Variants in ITPRID1 observed in about 807,000 individuals in gnomAD.
The protein encoded by ITPRID1 is protein ITPRID1.
A neutral mutation model predicts 95.4 loss-of-function variants in ITPRID1; 96 were observed. The ratio of observed to expected loss-of-function variants is 1.01; its 90% CI spans 0.85 to 1.19. ITPRID1 has a LOEUF of 1.19. Ranked by LOEUF, ITPRID1 falls within the 50% of genes most tolerant of loss-of-function variation. ITPRID1 has a pLI of 0.00. For missense variants in ITPRID1, 1,339 were observed against 1,252.9 expected, an observed-to-expected ratio of 1.07 and a Z score of -1.04; for synonymous variants, 510 against 453.6, an observed-to-expected ratio of 1.12 and a Z score of -1.58.
intron 10 of ITPRID1, among the ~76,000 whole-genome samples, chr7:31,631,255 G>T (rs189766998): frequency 3.3e-5 from 5 of 152,110 alleles, no homozygotes; most frequent in Non-Finnish European, 7.4e-5. Flanking sequence ...AAATCTGGGG[G>T]CAAAAGGCAT....
chr7:31,619,620 G>C (rs1046659490), intron 10 of ITPRID1, among the ~76,000 whole-genome samples: 1 of 152,086 alleles, frequency 6.6e-6, no homozygotes, highest in African/African-American at 2.4e-5. Flanking sequence ...TAAAGAAGGG[G>C]GAGGAGCCAA....
At position 31,599,667 on chromosome 7, in the gene ITPRID1, TC is replaced by T. The variant is rs761470949; in HGVS notation, c.1228+16477del. 6.5e-3 allele frequency among the ~76,000 whole-genome samples: 814 copies of T among 124,702 alleles called. 42 individuals are homozygous for T. The highest frequency in any genetic ancestry group is 0.011 in the Non-Finnish European group (586 of 55,236). The allele number at this position is 124,702 out of a possible 152,430, so 81.8% of individuals were successfully genotyped here. A position where few individuals can be genotyped will look rare whatever the true frequency, so the allele number is the denominator to read the frequency against. The stretch of plus-strand genomic sequence containing the variant: ...TTTCTTTTTCTTTCTTTCCTTTCTC[TC>T]TCTCTCTCTCTCTCTCTCTCTCTCT... On this transcript the variant is annotated intron_variant, in intron 10 of 14. Coordinates refer to ENST00000615280, the MANE Select transcript of ITPRID1 (RefSeq NM_001257967.3).
chr7:31,538,110 A>G (rs1393551300), intron 1 of ITPRID1, among the ~76,000 whole-genome samples: 1 of 152,186 alleles, frequency 6.6e-6, no homozygotes, highest in African/African-American at 2.4e-5. Context: ...ATTTATGACT[A>G]TTTCCTTTGA....
rs117596471 is a variant in ITPRID1 at position 31,526,450 on chromosome 7, G to A, written c.-98+12330G>A. ...AATGGTTTAACATCTGTGAAGCTCC[G>A]TTTCCTCATCTCTAAGATGGGTTAA... On this transcript the variant is annotated intron_variant, in intron 1 of 14. Transcript: ENST00000615280. Among the ~76,000 whole-genome samples the A allele has an allele frequency of 4.8e-4, 73 of 152,250 alleles. 1 individual carries two copies. Among genetic ancestry groups the A allele is most frequent in the Non-Finnish European group, 7.6e-4 (52 of 67,992 alleles).
At chr7:31,523,060 T>C (rs754267779) in intron 1 of ITPRID1, among the ~76,000 whole-genome samples, 4 of 152,216 alleles carry the variant, frequency 2.6e-5, no homozygotes, top group African/African-American at 9.7e-5. Context: ...ATGTAAGTTT[T>C]AAATGAGATG....
At chr7:31,599,657 TTCCTTTCTCTCTCTC>T in intron 10 of ITPRID1, among the ~76,000 whole-genome samples, 1 of 11,050 alleles carries the variant, frequency 9.0e-5, no homozygotes, top group South Asian at 5.0e-3. Flanking sequence ...TTTTCTTTCT[TTCCTTTCTCTCTCTC>T]TCTCTCTCTC....
intron 10 of ITPRID1, among the ~76,000 whole-genome samples, chr7:31,623,438 G>A (rs1583622340): frequency 6.6e-6 from 1 of 151,646 alleles, no homozygotes; most frequent in East Asian, 1.9e-4. Context: ...TGGGATGCAA[G>A]GCTGGTTCAA....
chr7:31,575,886 T>TA (rs979559807), intron 8 of ITPRID1, among the ~76,000 whole-genome samples: 3 of 1,858 alleles, frequency 1.6e-3, no homozygotes, highest in Admixed American at 0.017. Context: ...AGGAATGATA[T>TA]TTTTTTTTTA....
intron 5 of ITPRID1, among the ~76,000 whole-genome samples, chr7:31,563,342 T>A (rs1784687749): frequency 6.6e-6 from 1 of 152,126 alleles, no homozygotes; most frequent in Non-Finnish European, 1.5e-5. Context: ...TAGAAATGTT[T>A]CTGTTAGATA....
chr7:31,543,679 T>G (rs550893375), intron 1 of ITPRID1, among the ~76,000 whole-genome samples: 2 of 152,226 alleles, frequency 1.3e-5, no homozygotes, highest in South Asian at 4.1e-4. Context: ...TATCAGACAA[T>G]TTTTTTCCAA....
rs10252720 is a variant in ITPRID1, at chr7:31,578,394, A to G, written c.1130A>G (p.His377Arg). Residue 377 changes from histidine to arginine, a missense_variant, in exon 9 of 15, where the codon CAT becomes CGT. Transcript: ENST00000615280. ...ACTAACAAGCTCAAGAGCTTGTCTC[A>G]TCTTGCAGGCAAAGGACCAGACTCA... ...FQTNKLKSLSHLAGKGPDSFE... is the reference protein window; with the variant it reads ...FQTNKLKSLSRLAGKGPDSFE... 0.98 allele frequency: 1,579,155 copies of G among 1,612,822 alleles called. 773,380 individuals are homozygous for G. The highest frequency in any genetic ancestry group is 0.99 in the East Asian group (44,178 of 44,840).
In ITPRID1 at chr7:31,652,613, T is replaced by C; in HGVS notation, c.2919T>C (p.Ser973=). 2 of 1,613,562 alleles carry C rather than the reference T, an allele frequency of 1.2e-6. No homozygotes were observed. Among genetic ancestry groups the C allele is most frequent in the Non-Finnish European group, 8.5e-7 (1 of 1,179,732 alleles). The change falls in exon 15 of 15, where the codon TCT becomes TCC. Residue 973 remains serine, a synonymous_variant. Coordinates refer to ENST00000615280, the MANE Select transcript of ITPRID1 (RefSeq NM_001257967.3). ...IEESNGQTSC[S]KIHPGMAPRT... ...AAAGCAATGGGCAGACTTCATGTTC[T>C]AAAATCCACCCAGGCATGGCCCCGA...
At chr7:31,571,596 T>A (rs1784990445) in intron 6 of ITPRID1, among the ~76,000 whole-genome samples, 1 of 152,202 alleles carries the variant, frequency 6.6e-6, no homozygotes, top group South Asian at 2.1e-4. Flanking sequence ...TGTTCATTTT[T>A]TCCATAGTAA....
At chr7:31,622,797 C>A (rs1441521114) in intron 10 of ITPRID1, among the ~76,000 whole-genome samples, 1 of 151,936 alleles carries the variant, frequency 6.6e-6, no homozygotes, top group Non-Finnish European at 1.5e-5. Context: ...AAAAACCCTT[C>A]AAAAAATTAA....
chr7:31,612,631 T>G (rs1210583450), intron 10 of ITPRID1, among the ~76,000 whole-genome samples: 1 of 152,180 alleles, frequency 6.6e-6, no homozygotes, highest in Non-Finnish European at 1.5e-5. Flanking sequence ...GAGATTTTTT[T>G]AAGTGACTTG....
intron 13 of ITPRID1, 70 bp from the exon 14 acceptor site, chr7:31,651,869 G>C: frequency 9.8e-7 from 1 of 1,019,246 alleles, no homozygotes; most frequent in East Asian, 2.7e-5. Context: ...CCTATATTAT[G>C]AGGTGACAAT....
chr7:31,647,145 G>A (rs1055061441), intron 12 of ITPRID1, among the ~76,000 whole-genome samples: 5 of 152,202 alleles, frequency 3.3e-5, no homozygotes, highest in South Asian at 2.1e-4. Flanking sequence ...ACAGGAGACC[G>A]CTTAAAGACA....
intron 1 of ITPRID1, among the ~76,000 whole-genome samples, chr7:31,516,800 T>G (rs1459668628): frequency 6.6e-6 from 1 of 152,192 alleles, no homozygotes. Context: ...CAGAAGTTGC[T>G]GTGATATTGT....
intron 5 of ITPRID1, chr7:31,555,285 C>G (rs770239547): frequency 6.3e-6 from 1 of 159,240 alleles, no homozygotes; most frequent in African/African-American, 2.4e-5. Flanking sequence ...CAAAATTGCA[C>G]TTACATTCTC....
Sources: gnomAD v4.1 joint callset for allele counts (sites outside exome capture counted in the v4.1 genomes callset) on GRCh38, gnomAD v4.1.1 for gene constraint, MANE v1.5 for transcripts, NCBI Gene and HGNC (gene_info 2026-07-23, HGNC 2026-07-21) for gene names.